TRPC4AP: variants seen among roughly 807,000 people sequenced by gnomAD.
The protein encoded by TRPC4AP is short transient receptor potential channel 4-associated protein.
TRPC4AP carries 45 observed loss-of-function variants against 99.0 expected under a neutral mutation model. The observed-to-expected ratio is 0.45, with a 90% confidence interval of 0.36 to 0.58. The LOEUF (loss-of-function observed/expected upper bound fraction) is 0.58, where lower values mean the gene tolerates loss of function less well. TRPC4AP is among the 20% of genes least tolerant of loss of function. The pLI is 0.00. For missense variants in TRPC4AP, 879 were observed against 985.3 expected (o/e 0.89, Z 1.44); for synonymous variants, 408 against 385.8 (o/e 1.06, Z -0.67).
intron 3 of TRPC4AP, among the ~76,000 whole-genome samples, chr20:35,064,717 G>C (rs983023244): frequency 5.3e-5 from 8 of 152,158 alleles, no homozygotes; most frequent in African/African-American, 1.9e-4. Context: ...TTGTATAATA[G>C]AGACCTAAGG....
chr20:35,072,922 A>C (rs923618719), intron 2 of TRPC4AP, among the ~76,000 whole-genome samples: 2 of 152,112 alleles, frequency 1.3e-5, no homozygotes, highest in African/African-American at 4.8e-5. Context: ...TGAGCATGGG[A>C]TGTTCTTCCA....
Position 35,086,573 on chromosome 20 carries a change from GTGTA to G in TRPC4AP, c.168+6037_168+6040del, listed in dbSNP as rs1246724445. ...TGTGTGTGTGTGTGTGTGTGTGTGT[GTGTA>G]TATATATATGAATAAGACTTTATCC... On this transcript the variant is annotated intron_variant, in intron 1 of 18. Transcript: ENST00000252015. Among the ~76,000 whole-genome samples the G allele has an allele frequency of 7.7e-3, 320 of 41,528 alleles. 24 individuals are homozygous for G. Among genetic ancestry groups the G allele is most frequent in the Middle Eastern group, 0.027 (2 of 74 alleles). The allele number at this position is 41,528 out of a possible 152,430, so 27.2% of individuals were successfully genotyped here. A position where few individuals can be genotyped will look rare whatever the true frequency, so the allele number is the denominator to read the frequency against.
chr20:35,079,914 CAGA>C (rs1262382845), intron 1 of TRPC4AP, among the ~76,000 whole-genome samples: 2 of 147,102 alleles, frequency 1.4e-5, no homozygotes, highest in African/African-American at 5.0e-5. Context: ...CTCAGCTACT[CAGA>C]AGGATGAGGT....
intron 8 of TRPC4AP, among the ~76,000 whole-genome samples, chr20:35,030,798 G>GA (rs1305926416): frequency 7.2e-5 from 11 of 152,150 alleles, no homozygotes; most frequent in Non-Finnish European, 1.2e-4. Context: ...TTTAACTGAA[G>GA]AAAAGGAGAA....
chr20:35,076,093 T>C (rs1223807159), intron 2 of TRPC4AP, among the ~76,000 whole-genome samples: 1 of 152,236 alleles, frequency 6.6e-6, no homozygotes, highest in African/African-American at 2.4e-5. Flanking sequence ...TTTCGAGCCA[T>C]GGTGTTCAGC....
At chr20:35,037,428 G>T (rs960462862) in intron 7 of TRPC4AP, among the ~76,000 whole-genome samples, 2 of 144,170 alleles carry the variant, frequency 1.4e-5, no homozygotes, top group African/African-American at 5.2e-5. Context: ...ATACCCAAAA[G>T]AATTGAAAAC....
chr20:35,026,327 ACCTCAG>A (rs537794359), intron 8 of TRPC4AP, among the ~76,000 whole-genome samples: 142 of 151,114 alleles, frequency 9.4e-4, no homozygotes, highest in African/African-American at 3.3e-3. Flanking sequence ...CTACCCTCCC[ACCTCAG>A]CCTCTTGAGT....
intron 2 of TRPC4AP, among the ~76,000 whole-genome samples, chr20:35,070,717 CCTAGA>C (rs2084287936): frequency 1.3e-5 from 2 of 152,278 alleles, no homozygotes; most frequent in South Asian, 4.1e-4. Flanking sequence ...TTATTTCTTC[CCTAGA>C]CTAAACGTTC....
At chr20:35,044,347 G>A (rs888999185) in intron 7 of TRPC4AP, among the ~76,000 whole-genome samples, 158 bp downstream of exon 7, 3 of 147,644 alleles carry the variant, frequency 2.0e-5, no homozygotes, top group Non-Finnish European at 4.4e-5. Context: ...AGCCACGATT[G>A]TGCCACTGCA....
At chr20:35,012,381 G>A (rs1453947844) in intron 11 of TRPC4AP, among the ~76,000 whole-genome samples, 1 of 152,188 alleles carries the variant, frequency 6.6e-6, no homozygotes, top group African/African-American at 2.4e-5. Context: ...CCAGTTTCCT[G>A]TGCACACGCA....
At position 35,024,825 on chromosome 20, in the gene TRPC4AP, CAAAAAA is replaced by C. The variant is rs778161091; in HGVS notation, c.1052-3475_1052-3470del. 5.7e-3 allele frequency among the ~76,000 whole-genome samples: 203 copies of C among 35,872 alleles called. 26 individuals carry two copies. Among genetic ancestry groups the C allele is most frequent in the Non-Finnish European group, 8.2e-3 (163 of 19,970 alleles). 23.5% of individuals were successfully genotyped at this position (35,872 alleles called of 152,430 possible). On this transcript the variant is annotated intron_variant, in intron 8 of 18. Coordinates refer to ENST00000252015, the MANE Select transcript of TRPC4AP (RefSeq NM_015638.3). The stretch of plus-strand genomic sequence containing the variant: ...CCTAGGTGACAGAGAGAGACCGTCT[CAAAAAA>C]AAAAAAAAAAAAAAAAAAAAAAAAT...
At chr20:35,081,491 C>A (rs2084645002) in intron 1 of TRPC4AP, among the ~76,000 whole-genome samples, 1 of 150,750 alleles carries the variant, frequency 6.6e-6, no homozygotes, top group Non-Finnish European at 1.5e-5. Flanking sequence ...CCAGCCCGGG[C>A]AACAGAATGC....
At chr20:35,036,196 AT>A (rs2083312928) in intron 7 of TRPC4AP, among the ~76,000 whole-genome samples, 2 of 152,216 alleles carry the variant, frequency 1.3e-5, no homozygotes, top group African/African-American at 2.4e-5. Context: ...TGACTCCATC[AT>A]TTAACCTTCT....
At chr20:35,063,688 A>G (rs1358872309) in intron 3 of TRPC4AP, among the ~76,000 whole-genome samples, 1 of 152,082 alleles carries the variant, frequency 6.6e-6, no homozygotes, top group East Asian at 1.9e-4. Context: ...CAAGACCCCC[A>G]TATCTCTAAC....
chr20:35,084,312 T>A (rs921045150), intron 1 of TRPC4AP, among the ~76,000 whole-genome samples: 1 of 151,154 alleles, frequency 6.6e-6, no homozygotes, highest in African/African-American at 2.4e-5. Flanking sequence ...TTTAAAAGGA[T>A]GCATTATACC....
In TRPC4AP at chr20:35,003,523, T is replaced by C; in HGVS notation, c.2143A>G (p.Met715Val). ...LPLYLRLLQR[M>V]EHSKKYPGFL... The stretch of plus-strand genomic sequence containing the variant: ...CCGGGGTACTTCTTGCTGTGCTCCA[T>C]CCGCTGCAGCAGCCGCAGGTACAGG... The change falls in exon 18 of 19, where the codon ATG becomes GTG. Residue 715 changes from methionine (M) to valine (V), a missense_variant. By Grantham distance (21) the Met-to-Val change is conservative. Transcript: ENST00000252015. The C allele has an allele frequency of 6.2e-7, 1 of 1,613,970 alleles. No individual in the cohort carries two copies. Among genetic ancestry groups the C allele is most frequent in the Non-Finnish European group, 8.5e-7 (1 of 1,179,994 alleles).
intron 8 of TRPC4AP, among the ~76,000 whole-genome samples, chr20:35,028,765 T>C (rs368020204): frequency 3.9e-5 from 6 of 152,222 alleles, no homozygotes; most frequent in African/African-American, 7.2e-5. Flanking sequence ...AAAAGTAGTA[T>C]GTTAAGGTCT....
intron 8 of TRPC4AP, among the ~76,000 whole-genome samples, chr20:35,025,862 G>T (rs1315496154): frequency 6.6e-6 from 1 of 152,144 alleles, no homozygotes; most frequent in African/African-American, 2.4e-5. Flanking sequence ...TAAATCCAAG[G>T]TCATGAAGCT....
At chr20:35,083,341 T>C (rs1271058368) in intron 1 of TRPC4AP, among the ~76,000 whole-genome samples, 2 of 152,114 alleles carry the variant, frequency 1.3e-5, no homozygotes, top group East Asian at 3.9e-4. Context: ...GGTTCACACT[T>C]GTAATCCCAG....
Sources: allele counts gnomAD v4.1 joint callset (sites outside exome capture counted in the v4.1 genomes callset), GRCh38; gene constraint gnomAD v4.1.1; transcripts MANE v1.5; gene names NCBI Gene and HGNC (gene_info 2026-07-23, HGNC 2026-07-21).